Variants in ATP11A observed in about 807,000 individuals in gnomAD.
ATP11A encodes phospholipid-transporting ATPase IH.
ATP11A carries 81 observed loss-of-function variants against 154.4 expected under a neutral mutation model. The observed-to-expected ratio is 0.52, with a 90% CI of 0.44 to 0.63. The LOEUF is 0.63. Among genes scored for constraint, ATP11A ranks in the 30% least tolerant of loss-of-function variants. The pLI is 0.00. For synonymous variants in ATP11A, 623 were observed against 585.9 expected, an observed-to-expected ratio of 1.06 and a Z score of -0.91; for missense variants, 1,316 against 1,474.3, an observed-to-expected ratio of 0.89 and a Z score of 1.76.
At chr13:112,741,801 T>C (rs1330219519) in intron 1 of ATP11A, among the ~76,000 whole-genome samples, 1 of 152,074 alleles carries the variant, frequency 6.6e-6, no homozygotes, top group Non-Finnish European at 1.5e-5. Context: ...TTTTACCGGG[T>C]ATTTTGAGCC....
At chr13:112,853,160 C>T (rs997533851) in intron 18 of ATP11A, among the ~76,000 whole-genome samples, 4 of 151,954 alleles carry the variant, frequency 2.6e-5, no homozygotes, top group African/African-American at 4.8e-5. Context: ...TTGGAGGCTG[C>T]GGTGAGCTGA....
rs2078915094 is a variant in ATP11A at position 112,825,669 on chromosome 13, T to C, written c.1023+89T>C. 2.1e-6 allele frequency: 3 copies of C among 1,450,152 alleles called. No homozygotes were observed. The East Asian group carries it at 7.2e-5, about 35-fold the overall frequency. The allele number at this position is 1,450,152 out of a possible 1,614,324, so 89.8% of individuals were successfully genotyped here. The stretch of plus-strand genomic sequence containing the variant: ...GGTGCAAGAAAAAGATGACGGTGAA[T>C]TTACTGTAGGCAAAAAGCAGCTTGA... On this transcript the variant is annotated intron_variant, in intron 11 of 29. Coordinates refer to ENST00000375645, the MANE Select transcript of ATP11A (RefSeq NM_015205.3).
chr13:112,711,909 T>C (rs894180878), intron 1 of ATP11A, among the ~76,000 whole-genome samples: 1 of 152,152 alleles, frequency 6.6e-6, no homozygotes, highest in Non-Finnish European at 1.5e-5. Context: ...CTGGAGCACA[T>C]AGATAAGGAG....
At chr13:112,810,068 C>T (rs764742761) in intron 4 of ATP11A, among the ~76,000 whole-genome samples, 5 of 152,168 alleles carry the variant, frequency 3.3e-5, no homozygotes, top group East Asian at 1.9e-4. Context: ...AAGGCTGCTG[C>T]GGGTGTCACA....
intron 2 of ATP11A, among the ~76,000 whole-genome samples, chr13:112,786,828 C>G (rs1327270307): frequency 6.6e-6 from 1 of 152,268 alleles, no homozygotes; most frequent in African/African-American, 2.4e-5. Flanking sequence ...ATTGGGTGTC[C>G]TGCCGTGTAA....
chr13:112,758,099 G>C (rs113668563), intron 1 of ATP11A, among the ~76,000 whole-genome samples: 368 of 152,338 alleles, frequency 2.4e-3, no homozygotes, highest in African/African-American at 7.7e-3. Flanking sequence ...GTCTTGCTCT[G>C]TTGCCAGGCT....
intron 19 of ATP11A, among the ~76,000 whole-genome samples, 199 bp from the exon 20 acceptor site, chr13:112,855,712 T>C (rs1489648166): frequency 6.6e-6 from 1 of 152,226 alleles, no homozygotes; most frequent in Admixed American, 6.5e-5. Flanking sequence ...AAAATAGGAA[T>C]GTTTCATAAA....
At position 112,754,129 on chromosome 13, in the gene ATP11A, C is replaced by T. The variant is rs1221174324; in HGVS notation, c.40-31006C>T. 6.6e-6 allele frequency among the ~76,000 whole-genome samples: 1 copy of T among 152,196 alleles called. No individual in the cohort carries two copies. The highest frequency in any genetic ancestry group is 2.4e-5 in the African/African-American group (1 of 41,442). ...AGCGCCTGGGGCCTTCATCCTGAGC[C>T]GCAGTTGGAGCCACGGTCCCTGCTG... is the stretch of plus-strand genomic sequence containing the variant. On this transcript the variant is annotated intron_variant, in intron 1 of 29. Transcript: ENST00000375645. The surrounding 1 kb of genome is among the most constrained non-coding windows in gnomAD (Gnocchi z 5.3).
At chr13:112,712,708 C>T (rs371180207) in intron 1 of ATP11A, among the ~76,000 whole-genome samples, 5 of 152,270 alleles carry the variant, frequency 3.3e-5, no homozygotes, top group African/African-American at 9.6e-5. Context: ...GCTCTATGGC[C>T]GGACCACAGT....
rs929166636 is a variant in ATP11A, at chr13:112,838,175, C to G, written c.1705+1924C>G. Among the ~76,000 whole-genome samples the G allele has an allele frequency of 6.6e-6, 1 of 152,174 alleles. No individual in the cohort carries two copies. The highest frequency in any genetic ancestry group is 1.5e-5 in the Non-Finnish European group (1 of 68,018). ...GGGTCTGAGAACAGGTTCAGATGCGCGAGACTTCTGTGTGTCAGAACCCTT... is the reference window on the plus strand; with the variant it reads ...GGGTCTGAGAACAGGTTCAGATGCGGGAGACTTCTGTGTGTCAGAACCCTT... On this transcript the variant is annotated intron_variant, in intron 16 of 29. Coordinates refer to ENST00000375645, the MANE Select transcript of ATP11A (RefSeq NM_015205.3). This position sits in a 1 kb window ranked among gnomAD's most constrained non-coding sequence, Gnocchi z 7.3.
intron 4 of ATP11A, among the ~76,000 whole-genome samples, chr13:112,809,602 G>A (rs1425659423): frequency 2.0e-5 from 3 of 152,300 alleles, no homozygotes; most frequent in Non-Finnish European, 4.4e-5. Flanking sequence ...GCCATCCTGC[G>A]TGGTTGTGTG....
chr13:112,833,722 G>C (rs1330278422), intron 14 of ATP11A, among the ~76,000 whole-genome samples: 3 of 152,174 alleles, frequency 2.0e-5, no homozygotes, highest in Non-Finnish European at 4.4e-5. Context: ...TACGTCAACA[G>C]TATCACCGGG....
intron 1 of ATP11A, among the ~76,000 whole-genome samples, chr13:112,723,565 C>G (rs1011112686): frequency 6.6e-6 from 1 of 151,056 alleles, no homozygotes; most frequent in Admixed American, 6.6e-5. Context: ...AGCCACCGTG[C>G]CTGGCCAGAG....
chr13:112,722,636 A>G (rs1444742961), intron 1 of ATP11A, among the ~76,000 whole-genome samples: 1 of 152,160 alleles, frequency 6.6e-6, no homozygotes, highest in Non-Finnish European at 1.5e-5. Context: ...CCCTTGGCGG[A>G]GAGGAGGGCT....
intron 1 of ATP11A, among the ~76,000 whole-genome samples, chr13:112,727,036 C>CGCT (rs1467998542): frequency 2.6e-5 from 4 of 152,276 alleles, no homozygotes; most frequent in East Asian, 3.9e-4. Context: ...TAAATCTGAA[C>CGCT]GCTGCTGCTG....
At chr13:112,860,247 A>G (rs753196756) in intron 23 of ATP11A, 40 bp from the exon 24 acceptor site, 6 of 1,592,088 alleles carry the variant, frequency 3.8e-6, no homozygotes, top group Admixed American at 3.5e-5. Context: ...GTTTGTAACA[A>G]TGCACTGAGG....
intron 1 of ATP11A, among the ~76,000 whole-genome samples, chr13:112,710,986 G>A (rs1232254888): frequency 9.0e-4 from 6 of 6,700 alleles, no homozygotes; most frequent in South Asian, 0.031. Flanking sequence ...CCCACCCACC[G>A]CTGTTTGAAG....
At chr13:112,798,130 T>G (rs1016285152) in intron 2 of ATP11A, among the ~76,000 whole-genome samples, 12 of 152,176 alleles carry the variant, frequency 7.9e-5, no homozygotes, top group African/African-American at 2.9e-4. Flanking sequence ...CTAATCCCAT[T>G]CATGAGGGAG....
chr13:112,710,851 G>A (rs1043178989), intron 1 of ATP11A, among the ~76,000 whole-genome samples: 5 of 152,260 alleles, frequency 3.3e-5, no homozygotes, highest in Non-Finnish European at 5.9e-5. Context: ...TCCCTGCAGG[G>A]AGAGAAGGTT....
Sources: gnomAD v4.1 joint callset for allele counts (sites outside exome capture counted in the v4.1 genomes callset) on GRCh38, gnomAD v4.1.1 for gene constraint, Gnocchi (gnomAD v3.1) non-coding constraint, MANE v1.5 for transcripts, NCBI Gene and HGNC (gene_info 2026-07-23, HGNC 2026-07-21) for gene names.